Variants in BRDT observed in about 807,000 individuals in gnomAD.
The protein encoded by BRDT is bromodomain testis associated, also known as bromodomain testis-specific protein.
In BRDT, 77 loss-of-function variants were observed where a neutral mutation model predicts 113.9. The ratio of observed to expected loss-of-function variants is 0.68; its 90% CI spans 0.56 to 0.82. The LOEUF is 0.82. BRDT is among the 40% of genes least tolerant of loss of function. The pLI, the probability that BRDT is intolerant of heterozygous loss-of-function variation, is 0.00. For synonymous variants in BRDT, 358 were observed against 366.5 expected (o/e 0.98, Z 0.26); for missense variants, 1,027 against 1,105.4 (o/e 0.93, Z 1.01).
intron 5 of BRDT, among the ~76,000 whole-genome samples, 192 bp from the exon 6 acceptor site, chr1:91,976,851 T>C (rs1374748489): frequency 1.3e-5 from 2 of 152,222 alleles, no homozygotes; most frequent in Admixed American, 1.3e-4. Context: ...ATATTCGAAC[T>C]ATTTAGTTTG....
At chr1:91,951,425 A>G (rs1056236914) in intron 1 of BRDT, among the ~76,000 whole-genome samples, 1 of 151,948 alleles carries the variant, frequency 6.6e-6, no homozygotes, top group Middle Eastern at 3.2e-3. Flanking sequence ...CATGTATTTG[A>G]TACTTTGAAG....
At chr1:91,968,392 C>G in intron 4 of BRDT, 132 bp downstream of exon 4, 2 of 1,295,476 alleles carry the variant, frequency 1.5e-6, no homozygotes, top group Non-Finnish European at 2.1e-6. Context: ...TAAAAAATGT[C>G]CATTTGAAAC....
At chr1:91,994,479 T>C (rs1686085783) in intron 15 of BRDT, among the ~76,000 whole-genome samples, 1 of 151,844 alleles carries the variant, frequency 6.6e-6, no homozygotes, top group African/African-American at 2.4e-5. Context: ...ATTATGTATA[T>C]AGTTCACACC....
chr1:91,952,589 A>G (rs1052746012), intron 1 of BRDT, among the ~76,000 whole-genome samples: 2 of 151,970 alleles, frequency 1.3e-5, no homozygotes, highest in African/African-American at 4.8e-5. Context: ...ATATGGAGGG[A>G]AGCTAGTAGA....
rs1686904191 is a variant in BRDT at position 92,002,071 on chromosome 1, T to G, written c.2310T>G (p.Asn770Lys). The G allele has an allele frequency of 6.2e-7, 1 of 1,613,570 alleles. No individual in the cohort carries two copies. Among genetic ancestry groups the G allele is most frequent in the Non-Finnish European group, 8.5e-7 (1 of 1,179,588 alleles). ...CAGGTGATTCTGAACAGCTCTCAAA[T>G]GGCATAACTGTGATGCATCCATCTG... The part of the protein sequence containing the change: ...PPSGDSEQLS[N>K]GITVMHPSGD... Residue 770 changes from asparagine to lysine, a missense_variant, in exon 16 of 19, where the codon AAT (asparagine) becomes AAG (lysine). Transcript: ENST00000399546.
At chr1:91,960,504 C>G (rs1682328261) in intron 1 of BRDT, among the ~76,000 whole-genome samples, 2 of 152,132 alleles carry the variant, frequency 1.3e-5, no homozygotes, top group Non-Finnish European at 2.9e-5. Flanking sequence ...TTCATGGCAA[C>G]AGAAAGCAGA....
At chr1:92,000,704 G>A (rs374739357) in intron 15 of BRDT, among the ~76,000 whole-genome samples, 84 of 152,260 alleles carry the variant, frequency 5.5e-4, no homozygotes, top group Non-Finnish European at 6.6e-4. Flanking sequence ...CTTCAGCCAC[G>A]AATTAGAACC....
chr1:91,982,484 G>A (rs1027342273), intron 12 of BRDT, among the ~76,000 whole-genome samples: 2 of 152,086 alleles, frequency 1.3e-5, no homozygotes, highest in Non-Finnish European at 2.9e-5. Context: ...TTGACCAAAA[G>A]GCAAATTCAG....
chr1:91,985,764 G>A (rs1179902157), intron 12 of BRDT, among the ~76,000 whole-genome samples: 1 of 148,630 alleles, frequency 6.7e-6, no homozygotes, highest in Non-Finnish European at 1.5e-5. Context: ...TCAGCCTGCC[G>A]AGCAGCTGGG....
chr1:91,976,560 A>C (rs932268940), intron 5 of BRDT, 122 bp downstream of exon 5: 1 of 928,846 alleles, frequency 1.1e-6, no homozygotes, highest in Non-Finnish European at 1.5e-6. Context: ...AGCATCTAGC[A>C]ATCTGAAATA....
At chr1:92,009,806 A>G (rs1383806343) in intron 18 of BRDT, among the ~76,000 whole-genome samples, 1 of 152,080 alleles carries the variant, frequency 6.6e-6, no homozygotes, top group East Asian at 1.9e-4. Context: ...CCTGAGCTCA[A>G]GCAGTCTGCC....
intron 12 of BRDT, among the ~76,000 whole-genome samples, chr1:91,983,123 A>T (rs1209698199): frequency 6.6e-6 from 1 of 152,182 alleles, no homozygotes; most frequent in Non-Finnish European, 1.5e-5. Flanking sequence ...AATATGAATT[A>T]TCAGTTTCTG....
intron 7 of BRDT, 133 bp downstream of exon 7, chr1:91,978,429 A>C: frequency 1.0e-6 from 1 of 984,674 alleles, no homozygotes; most frequent in Non-Finnish European, 1.4e-6. Flanking sequence ...AACCACAATT[A>C]CTTTTGCACC....
chr1:91,990,825 T>C (rs1378968716), intron 12 of BRDT, among the ~76,000 whole-genome samples: 1 of 152,110 alleles, frequency 6.6e-6, no homozygotes, highest in Admixed American at 6.6e-5. Flanking sequence ...TGAGACAGAG[T>C]CTCACTCTCT....
At position 92,005,142 on chromosome 1, in the gene BRDT, T is replaced by C; in HGVS notation, c.2618T>C (p.Val873Ala). ...NQRDLGNGLT[V>A]ESFSNKIQNK... ...AGGGATCTTGGGAATGGATTGACTG[T>C]AGAATCTTTTTCAAATAAAATACAA... Residue 873 changes from valine (V) to alanine (A), a missense_variant, in exon 18 of 19, where the codon GTA becomes GCA. Coordinates refer to ENST00000399546, the MANE Select transcript of BRDT (RefSeq NM_207189.4). 2 of 1,534,910 alleles carry C rather than the reference T, an allele frequency of 1.3e-6. No homozygotes were observed. The highest frequency in any genetic ancestry group is 8.7e-7 in the Non-Finnish European group (1 of 1,147,736).
At chr1:91,979,011 A>AAAAAAC (rs1553189994) in intron 7 of BRDT, among the ~76,000 whole-genome samples, 31 of 130,826 alleles carry the variant, frequency 2.4e-4, no homozygotes, top group Non-Finnish European at 3.3e-4. Flanking sequence ...AAAAAAAAAA[A>AAAAAAC]AACAACAACA....
intron 18 of BRDT, among the ~76,000 whole-genome samples, chr1:92,005,824 G>A (rs1349717506): frequency 6.6e-6 from 1 of 152,190 alleles, no homozygotes; most frequent in African/African-American, 2.4e-5. Context: ...TATTGTTACT[G>A]TTTAAAAATC....
At chr1:91,996,887 G>A (rs930217598) in intron 15 of BRDT, among the ~76,000 whole-genome samples, 5 of 151,992 alleles carry the variant, frequency 3.3e-5, no homozygotes, top group African/African-American at 1.2e-4. Context: ...GAACTAACAG[G>A]GTGTAACAGG....
At chr1:91,973,009 G>A (rs1039493198) in intron 4 of BRDT, among the ~76,000 whole-genome samples, 5 of 152,168 alleles carry the variant, frequency 3.3e-5, no homozygotes, top group African/African-American at 1.2e-4. Flanking sequence ...TAGGTAGAGC[G>A]AAAATGTTAT....
Sources: allele counts gnomAD v4.1 joint callset (sites outside exome capture counted in the v4.1 genomes callset), GRCh38; gene constraint gnomAD v4.1.1; transcripts MANE v1.5; gene names NCBI Gene and HGNC (gene_info 2026-07-23, HGNC 2026-07-21).